Variants in NLRP5 observed in about 807,000 individuals in gnomAD.
The protein encoded by NLRP5 is NLR family pyrin domain containing 5.
In NLRP5, 93 loss-of-function variants were observed where a neutral mutation model predicts 113.1. That is an observed-to-expected ratio of 0.82 (90% CI 0.70 to 0.98). The LOEUF (loss-of-function observed/expected upper bound fraction) is 0.98, where lower values mean the gene tolerates loss of function less well. NLRP5 is among the 50% of genes least tolerant of loss of function. The pLI is 0.00. For missense variants in NLRP5, 1,808 were observed against 1,514.3 expected (o/e 1.19, Z -3.22); for synonymous variants, 751 against 600.7 (o/e 1.25, Z -3.66).
chr19:56,042,969 A>ATG (rs80248924), intron 11 of NLRP5, among the ~76,000 whole-genome samples: 6,949 of 151,432 alleles, frequency 0.046, 224 homozygotes, highest in South Asian at 0.076. Context: ...TCATATATGT[A>ATG]TGTGTGTGTG....
chr19:56,016,946 T>C (rs957223845), intron 4 of NLRP5, among the ~76,000 whole-genome samples: 3 of 152,060 alleles, frequency 2.0e-5, no homozygotes, highest in East Asian at 1.9e-4. Context: ...GTAGCTGGGA[T>C]TACAGGCATG....
intron 9 of NLRP5, 95 bp from the exon 10 acceptor site, chr19:56,037,930 G>A (rs1983379572): frequency 7.5e-7 from 1 of 1,332,224 alleles, no homozygotes; most frequent in Admixed American, 2.1e-5. Context: ...CGAGGACCAG[G>A]AAAACGGCCA....
the NLRP5 span, among the ~76,000 whole-genome samples, chr19:55,992,197 T>A: frequency 1.3e-5 from 2 of 152,170 alleles, no homozygotes; most frequent in African/African-American, 2.4e-5. Context: ...AAAGACATGA[T>A]CTCATTCTTT....
rs1568493977 is a variant in NLRP5, at chr19:56,032,794, G to GC, written c.2447+18dup. On this transcript the variant is annotated intron_variant, in intron 8 of 14. Transcript: ENST00000390649. ...TACAGACCCTGATGTAAGGCTGCCC[G>GC]CCCCCTACGAGAGAATCCCTTCCCA... 3 of 1,594,276 alleles carry GC rather than the reference G, an allele frequency of 1.9e-6. No individual in the cohort carries two copies. Among genetic ancestry groups the GC allele is most frequent in the East Asian group, 2.3e-5 (1 of 44,384 alleles).
At chr19:56,048,607 CT>C (rs1983811604) in intron 11 of NLRP5, among the ~76,000 whole-genome samples, 1 of 152,056 alleles carries the variant, frequency 6.6e-6, no homozygotes, top group African/African-American at 2.4e-5. Flanking sequence ...ATAGGTTTTC[CT>C]TCATAGGTTA....
intron 11 of NLRP5, among the ~76,000 whole-genome samples, chr19:56,042,579 C>G (rs1983560861): frequency 6.8e-6 from 1 of 146,274 alleles, no homozygotes; most frequent in African/African-American, 2.6e-5. Flanking sequence ...GAACTCCTGA[C>G]CACAGGTGAT....
At position 56,028,233 on chromosome 19, in the gene NLRP5, A is replaced by C. The variant is rs1020680598; in HGVS notation, c.2000A>C (p.His667Pro). ...CTGGGGGTGAAGCAGAAGCTTCTGC[A>C]CTGGGTCTCTCTGTTGGGTCAGCAG... The change falls in exon 7 of 15, where the codon CAC (histidine) becomes CCC (proline). Residue 667 changes from histidine to proline, a missense_variant. Transcript: ENST00000390649. 2 of 1,613,810 alleles carry C rather than the reference A, an allele frequency of 1.2e-6. No homozygotes were observed. Among genetic ancestry groups the C allele is most frequent in the African/African-American group, 1.3e-5 (1 of 74,920 alleles).
chr19:56,011,158 A>AAAAAAAAAATAT (rs372922763), intron 3 of NLRP5, among the ~76,000 whole-genome samples: 8 of 145,222 alleles, frequency 5.5e-5, no homozygotes, highest in African/African-American at 1.7e-4. Flanking sequence ...GTCTTTAAAA[A>AAAAAAAAAATAT]ATATATATAC....
chr19:56,010,742 C>CCAAAAAAAAAAAA (rs1555764914), intron 3 of NLRP5, among the ~76,000 whole-genome samples: 2 of 41,280 alleles, frequency 4.8e-5, no homozygotes, highest in African/African-American at 2.1e-4. Flanking sequence ...AACTCTGTCT[C>CCAAAAAAAAAAAA]AAAAAAAAAA....
At position 56,027,992 on chromosome 19, in the gene NLRP5, C is replaced by G; in HGVS notation, c.1759C>G (p.Leu587Val). The G allele has an allele frequency of 6.2e-7, 1 of 1,614,038 alleles. No individual in the cohort carries two copies. The highest frequency in any genetic ancestry group is 8.5e-7 in the Non-Finnish European group (1 of 1,179,888). The change falls in exon 7 of 15, where the codon CTC becomes GTC. Residue 587 changes from leucine (L) to valine (V), a missense_variant. Physicochemically the swap from Leu to Val is conservative, Grantham distance 32. Transcript: ENST00000390649. ...GTACTACACCTTCTTCCACCTCAGT[C>G]TCCAGGACTTCTGTGCCGCCTTGTA...
intron 6 of NLRP5, among the ~76,000 whole-genome samples, chr19:56,026,383 C>T (rs549086194): frequency 2.0e-4 from 31 of 151,540 alleles, no homozygotes; most frequent in African/African-American, 7.0e-4. Context: ...AGAAAATTAG[C>T]TGGGCGTGGT....
intron 12 of NLRP5, 64 bp downstream of exon 12, chr19:56,050,652 A>C: frequency 6.7e-7 from 1 of 1,503,672 alleles, no homozygotes. Flanking sequence ...CTGAAAGGTC[A>C]AGAGATAGGA....
At chr19:56,025,951 G>A (rs181954581) in intron 6 of NLRP5, among the ~76,000 whole-genome samples, 1 of 152,118 alleles carries the variant, frequency 6.6e-6, no homozygotes, top group African/African-American at 2.4e-5. Flanking sequence ...AGGTCCAAGA[G>A]TGAGTAAGAA....
At chr19:56,036,005 G>T (rs558660688) in intron 9 of NLRP5, among the ~76,000 whole-genome samples, 351 of 150,332 alleles carry the variant, frequency 2.3e-3, no homozygotes, top group Admixed American at 8.1e-3. Flanking sequence ...GCTTGATTTT[G>T]CATGTAGTAC....
chr19:56,007,899 G>A (rs1465903885), intron 2 of NLRP5, among the ~76,000 whole-genome samples: 2 of 48,312 alleles, frequency 4.1e-5, no homozygotes, highest in African/African-American at 5.3e-5. Context: ...GCGCGTGCGC[G>A]CGTGCGTGTG....
intron 11 of NLRP5, among the ~76,000 whole-genome samples, chr19:56,048,287 T>C (rs948566990): frequency 1.3e-5 from 2 of 152,184 alleles, no homozygotes; most frequent in Non-Finnish European, 2.9e-5. Flanking sequence ...GGTTTTGTTT[T>C]TTGTTTTTGC....
intron 11 of NLRP5, among the ~76,000 whole-genome samples, chr19:56,043,778 C>T (rs1326683224): frequency 2.6e-5 from 4 of 151,332 alleles, no homozygotes; most frequent in East Asian, 2.0e-4. Flanking sequence ...AGGGTTTCAC[C>T]ACGTTAGCCA....
rs3055366 is a variant in NLRP5, at chr19:56,025,386, T to TTC, written c.680-1509_680-1508dup. Among the ~76,000 whole-genome samples the TTC allele has an allele frequency of 9.4e-3, 1,369 of 146,416 alleles. 20 individuals are homozygous for TTC. Among genetic ancestry groups the TTC allele is most frequent in the African/African-American group, 0.029 (1,158 of 40,224 alleles). On this transcript the variant is annotated intron_variant, in intron 6 of 14. Transcript: ENST00000390649. ...GTTTGACCTCAAGGAACGTGCTCCG[T>TTC]TCTCTCTCTCTCTCTCTCTGTCTCT...
intron 3 of NLRP5, among the ~76,000 whole-genome samples, chr19:56,010,445 G>A (rs1312193299): frequency 6.6e-6 from 1 of 152,016 alleles, no homozygotes; most frequent in African/African-American, 2.4e-5. Context: ...GGCTGGGTAT[G>A]GAAAGATGTC....
Sources: allele counts gnomAD v4.1 joint callset (sites outside exome capture counted in the v4.1 genomes callset), GRCh38; gene constraint gnomAD v4.1.1; transcripts MANE v1.5; gene names NCBI Gene and HGNC (gene_info 2026-07-23, HGNC 2026-07-21).